PRSS54: variants seen among roughly 807,000 people sequenced by gnomAD.
PRSS54 encodes serine protease 54, also known as inactive serine protease 54.
PRSS54 carries 16 observed loss-of-function variants against 19.9 expected under a neutral mutation model. The observed-to-expected ratio is 0.80, with a 90% CI of 0.54 to 1.22. The LOEUF is 1.22. Ranked by LOEUF, PRSS54 falls within the 50% of genes most tolerant of loss-of-function variation. The pLI is 0.00. For missense variants in PRSS54, 444 were observed against 494.8 expected, an observed-to-expected ratio of 0.90 and a Z score of 0.97; for synonymous variants, 177 against 195.8, an observed-to-expected ratio of 0.90 and a Z score of 0.80.
rs1391167894 is a variant in PRSS54, at chr16:58,281,653, G to A, written c.655-896C>T. The A allele has an allele frequency of 3.9e-5, 6 of 152,166 alleles. No individual in the cohort carries two copies. In the East Asian group the frequency reaches 1.2e-3, roughly 29 times the overall value. The allele number at this position is 152,166 out of a possible 1,614,324, so 9.4% of individuals were successfully genotyped here. On this transcript the variant is annotated intron_variant, in intron 6 of 6. Coordinates refer to ENST00000567164, the MANE Select transcript of PRSS54 (RefSeq NM_001305173.2). The stretch of plus-strand genomic sequence containing the variant: ...GGCTAGCCAGCCACTTCTGACCTGT[G>A]TGGCCTGCCTGGCTGGAAGGCCCAG...
At chr16:58,290,850 G>C in intron 4 of PRSS54, 109 bp downstream of exon 4, 1 of 1,231,820 alleles carries the variant, frequency 8.1e-7, no homozygotes. Context: ...AAAAAGCCCT[G>C]TCCCCCCAGA....
chr16:58,280,895 A>G (rs1964711279), intron 6 of PRSS54, 138 bp from the exon 7 acceptor site: 2 of 762,368 alleles, frequency 2.6e-6, no homozygotes, highest in South Asian at 4.4e-5. Flanking sequence ...ATAGGATACA[A>G]TTTCAAATCT....
intron 3 of PRSS54, 190 bp downstream of exon 3, chr16:58,293,542 C>T (rs1965082848): frequency 2.0e-6 from 2 of 985,288 alleles, no homozygotes; most frequent in African/African-American, 1.7e-5. Flanking sequence ...TTAGTTTCCT[C>T]CATCCACGTC....
chr16:58,285,744 A>AAAAAAAAG (rs146167626), intron 5 of PRSS54, among the ~76,000 whole-genome samples, 193 bp downstream of exon 5: 23 of 77,352 alleles, frequency 3.0e-4, no homozygotes, highest in East Asian at 6.4e-4. Context: ...AAAAAAAAAA[A>AAAAAAAAG]AAGAAGAAGA....
rs143453026 is a variant in PRSS54 at position 58,285,646 on chromosome 16, A to T, written c.522+291T>A. On this transcript the variant is annotated intron_variant, in intron 5 of 6. Coordinates refer to ENST00000567164, the MANE Select transcript of PRSS54 (RefSeq NM_001305173.2). Reference sequence around the variant, plus strand: ...AGTCCCAGGTACTCGGGGCTGAGGCAGGAAGATCACTTGAGCCCAGGAGTT... The same window carrying T: ...AGTCCCAGGTACTCGGGGCTGAGGCTGGAAGATCACTTGAGCCCAGGAGTT... Among the ~76,000 whole-genome samples, 23 of 149,652 alleles carry T rather than the reference A, an allele frequency of 1.5e-4. No individual in the cohort carries two copies. In the East Asian group the frequency reaches 4.7e-3, roughly 30 times the overall value.
At chr16:58,289,229 GA>G (rs1964985237) in intron 4 of PRSS54, among the ~76,000 whole-genome samples, 1 of 152,188 alleles carries the variant, frequency 6.6e-6, no homozygotes, top group Non-Finnish European at 1.5e-5. Flanking sequence ...GGCTTCAGGA[GA>G]AACCAAATCT....
In PRSS54 at chr16:58,285,930, C is replaced by A; in HGVS notation, c.522+7G>T. 2 of 1,613,790 alleles carry A rather than the reference C, an allele frequency of 1.2e-6. No homozygotes were observed. Among genetic ancestry groups the A allele is most frequent in the Non-Finnish European group, 1.7e-6 (2 of 1,179,860 alleles). On this transcript the variant is annotated splice_region_variant and intron_variant, in intron 5 of 6. Transcript: ENST00000567164. ...GCAGCCTTCTCTGGGAGGAGGAATGCCTTAACTGCAGATGTGGGATTCCAT... is the reference window on the plus strand; with the variant it reads ...GCAGCCTTCTCTGGGAGGAGGAATGACTTAACTGCAGATGTGGGATTCCAT...
intron 5 of PRSS54, 96 bp from the exon 6 acceptor site, chr16:58,284,817 A>T: frequency 2.7e-6 from 3 of 1,103,236 alleles, no homozygotes; most frequent in Non-Finnish European, 3.8e-6. Flanking sequence ...GAGAGTGAGA[A>T]TTTTTTTTTT....
Position 58,280,579 on chromosome 16 carries a change from A to G in PRSS54, c.833T>C (p.Leu278Pro), listed in dbSNP as rs1196433994. The part of the protein sequence containing the change: ...AERAGPPLSS[L>P]HHWEKLISFS... Reference sequence around the variant, plus strand: ...AGAAATCAACTTTTCCCAGTGGTGGAGTGAGGACAGGGGAGGGCCGGCCCT... The same window carrying G: ...AGAAATCAACTTTTCCCAGTGGTGGGGTGAGGACAGGGGAGGGCCGGCCCT... Residue 278 changes from leucine (L) to proline (P), a missense_variant, in exon 7 of 7, where the codon CTC becomes CCC. By Grantham distance (98) the Leu-to-Pro change is moderately conservative (BLOSUM62 -3). Transcript: ENST00000567164. The G allele has an allele frequency of 1.2e-6, 2 of 1,613,954 alleles. No individual in the cohort carries two copies. The highest frequency in any genetic ancestry group is 1.7e-5 in the Admixed American group (1 of 59,998).
chr16:58,282,063 C>A (rs1182815619), intron 6 of PRSS54: 1 of 147,622 alleles, frequency 6.8e-6, no homozygotes, highest in Admixed American at 6.9e-5. Flanking sequence ...TGCTGGAGTG[C>A]AGTGGCATGA....
Position 58,286,102 on chromosome 16 carries a change from C to A in PRSS54, c.357G>T (p.Glu119Asp), listed in dbSNP as rs1964915104. The part of the protein sequence containing the change: ...EYPVNTIIIH[E>D]DFDNNSMSNN... ...TGCTCATGGAGTTGTTATCAAAGTC[C>A]TCATGGATGATGATGGTATTGACTG... Residue 119 changes from glutamate (E) to aspartate (D), a missense_variant, in exon 5 of 7, where the codon GAG (glutamate) becomes GAT (aspartate). Transcript: ENST00000567164. The A allele has an allele frequency of 6.8e-6, 11 of 1,614,068 alleles. No individual in the cohort carries two copies. Among genetic ancestry groups the A allele is most frequent in the Non-Finnish European group, 9.3e-6 (11 of 1,180,030 alleles).
At chr16:58,285,786 G>T in intron 5 of PRSS54, 151 bp downstream of exon 5, 1 of 723,312 alleles carries the variant, frequency 1.4e-6, no homozygotes, top group Non-Finnish European at 2.2e-6. Context: ...AGCCCTGGGA[G>T]TCTTGACTGA....
intron 1 of PRSS54, among the ~76,000 whole-genome samples, chr16:58,294,669 C>T (rs564638343): frequency 2.6e-4 from 40 of 152,308 alleles, no homozygotes; most frequent in African/African-American, 9.1e-4. Context: ...CGTGAGCCAC[C>T]GTGCCCGGCC....
At position 58,280,012 on chromosome 16, in the gene PRSS54, T is replaced by A. The variant is rs1964672945; in HGVS notation, c.*212A>T. On this transcript the variant is annotated 3_prime_UTR_variant, in exon 7 of 7. Coordinates refer to ENST00000567164, the MANE Select transcript of PRSS54 (RefSeq NM_001305173.2). ...GGCACTCTAATGGTTTGACACTTGTTAGCCAGCATTTAGTTCACAAGCATA... is the reference window on the plus strand; with the variant it reads ...GGCACTCTAATGGTTTGACACTTGTAAGCCAGCATTTAGTTCACAAGCATA... 1.6e-6 allele frequency: 1 copy of A among 626,238 alleles called. No individual in the cohort carries two copies. The highest frequency in any genetic ancestry group is 2.7e-5 in the East Asian group (1 of 36,478). The allele number at this position is 626,238 out of a possible 1,614,324, so 38.8% of individuals were successfully genotyped here. A position where few individuals can be genotyped will look rare whatever the true frequency, so the allele number is the denominator to read the frequency against.
In PRSS54 at chr16:58,285,995, A is replaced by C; in HGVS notation, c.464T>G (p.Leu155Arg). The change falls in exon 5 of 7, where the codon CTG becomes CGG. Residue 155 changes from leucine (L) to arginine (R), a missense_variant. Transcript: ENST00000567164. ...GTTCTGCAAGACTGGTGGTGTATGCAGCATTCTGCCGAGGAAGCAGATGGA... is the reference window on the plus strand; with the variant it reads ...GTTCTGCAAGACTGGTGGTGTATGCCGCATTCTGCCGAGGAAGCAGATGGA... ...VQSICFLGRM[L>R]HTPPVLQNCW... 5.0e-6 allele frequency: 8 copies of C among 1,614,186 alleles called. No individual in the cohort carries two copies. The highest frequency in any genetic ancestry group is 5.9e-6 in the Non-Finnish European group (7 of 1,180,022).
chr16:58,290,840 A>G, intron 4 of PRSS54, 119 bp downstream of exon 4: 1 of 1,118,546 alleles, frequency 8.9e-7, no homozygotes, highest in Non-Finnish European at 1.3e-6. Context: ...CTGAGCTGGT[A>G]AAAAGCCCTG....
rs775317690 is a variant in PRSS54, at chr16:58,291,040, T to C, written c.182A>G (p.Asp61Gly). Reference sequence around the variant, plus strand: ...GAAAGCCAGGTGTGTGTACTGGGAGTCCTGCAGCGACACCACCCACGGGAA... The same window carrying C: ...GAAAGCCAGGTGTGTGTACTGGGAGCCCTGCAGCGACACCACCCACGGGAA... ...MEFPWVVSLQ[D>G]SQYTHLAFGC... Residue 61 changes from aspartate (D) to glycine (G), a missense_variant, in exon 4 of 7, where the codon GAC becomes GGC. Transcript: ENST00000567164. The C allele has an allele frequency of 6.2e-6, 10 of 1,613,778 alleles. No individual in the cohort carries two copies. Among genetic ancestry groups the C allele is most frequent in the Non-Finnish European group, 7.6e-6 (9 of 1,179,988 alleles).
intron 6 of PRSS54, chr16:58,282,322 G>A (rs1214634813): frequency 6.6e-6 from 1 of 152,292 alleles, no homozygotes; most frequent in Non-Finnish European, 1.5e-5. Context: ...TGTATTTTTA[G>A]TAGAGATGGG....
intron 4 of PRSS54, among the ~76,000 whole-genome samples, chr16:58,290,582 G>T (rs1193149542): frequency 6.6e-6 from 1 of 152,174 alleles, no homozygotes; most frequent in African/African-American, 2.4e-5. Context: ...ATTTGTGGCA[G>T]TAACGTTTGT....
Sources: allele counts gnomAD v4.1 joint callset (sites outside exome capture counted in the v4.1 genomes callset), GRCh38; gene constraint gnomAD v4.1.1; transcripts MANE v1.5; gene names NCBI Gene and HGNC (gene_info 2026-07-23, HGNC 2026-07-21).